Variants in SEMA5A observed in about 807,000 individuals in gnomAD.
The protein encoded by SEMA5A is semaphorin-5A.
In SEMA5A, 55 loss-of-function variants were observed where a neutral mutation model predicts 135.5. The ratio of observed to expected loss-of-function variants is 0.41; its 90% CI spans 0.33 to 0.51. The LOEUF (loss-of-function observed/expected upper bound fraction) is 0.51. Among genes scored for constraint, SEMA5A ranks in the 20% least tolerant of loss-of-function variants. The probability of loss-of-function intolerance (pLI) is 0.37; values close to 1 mark genes in which losing one functional copy is unlikely to be tolerated. For missense variants in SEMA5A, 1,290 were observed against 1,419.9 expected (o/e 0.91, Z 1.47); for synonymous variants, 580 against 546.5 (o/e 1.06, Z -0.85).
chr5:9,243,173 G>C (rs1748297222), intron 5 of SEMA5A, among the ~76,000 whole-genome samples: 1 of 152,142 alleles, frequency 6.6e-6, no homozygotes, highest in Non-Finnish European at 1.5e-5. Flanking sequence ...AGTTCTGGAG[G>C]CTCGTTGGCA....
intron 16 of SEMA5A, among the ~76,000 whole-genome samples, chr5:9,079,678 A>G (rs1738262243): frequency 6.6e-6 from 1 of 152,090 alleles, no homozygotes; most frequent in South Asian, 2.1e-4. Flanking sequence ...TCTACAAAGA[A>G]CTTACTTAAA....
At chr5:9,457,132 G>A (rs564429328) in intron 1 of SEMA5A, among the ~76,000 whole-genome samples, 6 of 152,230 alleles carry the variant, frequency 3.9e-5, no homozygotes, top group Admixed American at 1.3e-4. Flanking sequence ...TACTAACCAC[G>A]TGCTGCTTCT....
At chr5:9,166,879 C>G (rs1233343146) in intron 11 of SEMA5A, among the ~76,000 whole-genome samples, 1 of 152,134 alleles carries the variant, frequency 6.6e-6, no homozygotes, top group Non-Finnish European at 1.5e-5. Context: ...AATTACTTGC[C>G]TTAGATTTAT....
intron 16 of SEMA5A, among the ~76,000 whole-genome samples, chr5:9,087,999 A>G (rs945425647): frequency 6.6e-6 from 1 of 152,240 alleles, no homozygotes; most frequent in Non-Finnish European, 1.5e-5. Flanking sequence ...CAAAATATGA[A>G]GACAGTGGCC....
intron 16 of SEMA5A, among the ~76,000 whole-genome samples, chr5:9,082,567 C>T (rs1476076268): frequency 6.6e-6 from 1 of 152,218 alleles, no homozygotes; most frequent in Non-Finnish European, 1.5e-5. Flanking sequence ...AGGGGTTCTA[C>T]TCCCTTCAAT....
intron 4 of SEMA5A, among the ~76,000 whole-genome samples, chr5:9,322,261 T>C (rs1466132419): frequency 2.0e-5 from 3 of 152,066 alleles, no homozygotes; most frequent in African/African-American, 7.3e-5. Context: ...GCTAGTGGAG[T>C]TTAACCATCT....
intron 11 of SEMA5A, among the ~76,000 whole-genome samples, chr5:9,162,593 C>CATATATAT (rs1560977508): frequency 7.5e-6 from 1 of 133,110 alleles, no homozygotes; most frequent in African/African-American, 2.8e-5. Flanking sequence ...TATACACACA[C>CATATATAT]ACACACAAAC....
rs571440547 is a variant in SEMA5A at position 9,471,796 on chromosome 5, C to T, written c.-174-33944G>A. Among the ~76,000 whole-genome samples, 11 of 152,292 alleles carry T rather than the reference C, an allele frequency of 7.2e-5. No homozygotes were observed. The East Asian group carries it at 1.2e-3, about 16-fold the overall frequency. Reference sequence around the variant, plus strand: ...TACCTAGCTAAACGATACAGCTAAACGATACAAGCAAACTCATTGTTCAAA... The same window carrying T: ...TACCTAGCTAAACGATACAGCTAAATGATACAAGCAAACTCATTGTTCAAA... On this transcript the variant is annotated intron_variant, in intron 1 of 22. Coordinates refer to ENST00000382496, the MANE Select transcript of SEMA5A (RefSeq NM_003966.3).
chr5:9,259,676 G>C (rs1749295888), intron 5 of SEMA5A, among the ~76,000 whole-genome samples: 1 of 149,526 alleles, frequency 6.7e-6, no homozygotes, highest in African/African-American at 2.5e-5. Context: ...CAGAAATAAA[G>C]ATGTTCTTTG....
intron 5 of SEMA5A, among the ~76,000 whole-genome samples, chr5:9,289,141 G>A (rs1750944958): frequency 6.6e-6 from 1 of 151,968 alleles, no homozygotes; most frequent in African/African-American, 2.4e-5. Context: ...CAGTGTATAT[G>A]TCTTCATTTA....
chr5:9,305,708 G>GTATATATATATATATATATATA (rs146829804), intron 5 of SEMA5A, among the ~76,000 whole-genome samples: 1 of 139,228 alleles, frequency 7.2e-6, no homozygotes, highest in African/African-American at 2.8e-5. Context: ...GTGTGTGTGC[G>GTATATATATATATATATATATA]TATATATATA....
At chr5:9,326,347 A>C (rs1419831009) in intron 4 of SEMA5A, among the ~76,000 whole-genome samples, 3 of 152,112 alleles carry the variant, frequency 2.0e-5, no homozygotes, top group Non-Finnish European at 4.4e-5. Context: ...CATCGCAGGC[A>C]TTCAGCAATT....
intron 12 of SEMA5A, among the ~76,000 whole-genome samples, chr5:9,151,605 G>A (rs1019747561): frequency 2.0e-5 from 3 of 151,952 alleles, no homozygotes; most frequent in African/African-American, 7.3e-5. Flanking sequence ...TAACTAGGGA[G>A]GGTTTCCTAT....
chr5:9,067,718 T>C (rs563927135), intron 16 of SEMA5A, among the ~76,000 whole-genome samples: 11 of 152,350 alleles, frequency 7.2e-5, no homozygotes, highest in Non-Finnish European at 1.6e-4. Context: ...CAAATTCCTT[T>C]GGTTTTAGAA....
At chr5:9,242,303 C>A (rs1176589036) in intron 5 of SEMA5A, among the ~76,000 whole-genome samples, 1 of 152,178 alleles carries the variant, frequency 6.6e-6, no homozygotes, top group Non-Finnish European at 1.5e-5. Flanking sequence ...GTCAGGGTCA[C>A]ACAAGTGTCA....
intron 11 of SEMA5A, among the ~76,000 whole-genome samples, chr5:9,171,314 T>A (rs1182420354): frequency 6.6e-6 from 1 of 152,146 alleles, no homozygotes; most frequent in Non-Finnish European, 1.5e-5. Flanking sequence ...TGGGGAGGGC[T>A]GTGGACTTCC....
At chr5:9,244,686 C>A (rs1748392070) in intron 5 of SEMA5A, among the ~76,000 whole-genome samples, 1 of 152,068 alleles carries the variant, frequency 6.6e-6, no homozygotes, top group South Asian at 2.1e-4. Flanking sequence ...AGCTGTTAAA[C>A]AAATTAACGG....
At chr5:9,241,949 G>T (rs1200448564) in intron 5 of SEMA5A, among the ~76,000 whole-genome samples, 1 of 152,174 alleles carries the variant, frequency 6.6e-6, no homozygotes, top group East Asian at 1.9e-4. Context: ...TCAGCAGATG[G>T]CTTTGCTAAT....
At chr5:9,489,061 T>C (rs1434107424) in intron 1 of SEMA5A, among the ~76,000 whole-genome samples, 1 of 152,060 alleles carries the variant, frequency 6.6e-6, no homozygotes, top group East Asian at 1.9e-4. Flanking sequence ...TAACGTGAAA[T>C]CTTGGGCAGG....
Sources: allele counts gnomAD v4.1 joint callset (sites outside exome capture counted in the v4.1 genomes callset), GRCh38; gene constraint gnomAD v4.1.1; transcripts MANE v1.5; gene names NCBI Gene and HGNC (gene_info 2026-07-23, HGNC 2026-07-21).